Variants in STXBP5L observed in about 807,000 individuals in gnomAD.
STXBP5L encodes the protein syntaxin-binding protein 5-like.
In STXBP5L, 65 loss-of-function variants were observed where a neutral mutation model predicts 144.5. That is an observed-to-expected ratio of 0.45 (90% CI 0.37 to 0.55). The LOEUF is 0.55. Among genes scored for constraint, STXBP5L ranks in the 20% least tolerant of loss-of-function variants. The pLI, the probability that STXBP5L is intolerant of heterozygous loss-of-function variation, is 0.00. For missense variants in STXBP5L, 1,298 were observed against 1,405.5 expected, an observed-to-expected ratio of 0.92 and a Z score of 1.22; for synonymous variants, 505 against 469.6, an observed-to-expected ratio of 1.08 and a Z score of -0.97.
chr3:120,975,949 T>G (rs1940941700), intron 3 of STXBP5L, among the ~76,000 whole-genome samples: 1 of 152,222 alleles, frequency 6.6e-6, no homozygotes, highest in African/African-American at 2.4e-5. Flanking sequence ...TGTTTGCCAG[T>G]ATTTTATTGA....
chr3:121,041,817 T>G (rs765741234), intron 4 of STXBP5L, 36 bp downstream of exon 4: 1 of 1,341,596 alleles, frequency 7.5e-7, no homozygotes, highest in Non-Finnish European at 1.1e-6. Context: ...AATCACACAC[T>G]CCCCCACTAC....
intron 3 of STXBP5L, among the ~76,000 whole-genome samples, chr3:120,995,788 C>T (rs576793819): frequency 6.5e-4 from 99 of 152,142 alleles, no homozygotes; most frequent in Admixed American, 1.4e-3. Flanking sequence ...ATATGACTTA[C>T]GAAACTAATA....
At chr3:120,993,218 T>C (rs1177935272) in intron 3 of STXBP5L, among the ~76,000 whole-genome samples, 1 of 152,158 alleles carries the variant, frequency 6.6e-6, no homozygotes, top group African/African-American at 2.4e-5. Flanking sequence ...TAGTCCTTTG[T>C]TAGATGGATA....
chr3:120,977,263 C>G (rs1038446868), intron 3 of STXBP5L, among the ~76,000 whole-genome samples: 2 of 152,278 alleles, frequency 1.3e-5, no homozygotes, highest in African/African-American at 2.4e-5. Flanking sequence ...GGATAGTTAG[C>G]TCTTCTTGTT....
rs2051514652 is a variant in STXBP5L at position 121,293,252 on chromosome 3, A to G, written c.2110+13296A>G. On this transcript the variant is annotated intron_variant, in intron 19 of 26. Coordinates refer to ENST00000471454, the MANE Select transcript of STXBP5L (RefSeq NM_001308330.2). ...TTACTGTATGATTCCATTTCTATAG[A>G]ATTCCAGGAAATGAAAAGCAATGCA... Among the ~76,000 whole-genome samples, 5 of 152,298 alleles carry G rather than the reference A, an allele frequency of 3.3e-5. No homozygotes were observed. The South Asian group carries it at 1.0e-3, about 32-fold the overall frequency.
chr3:121,171,907 G>A (rs530163909), intron 9 of STXBP5L, among the ~76,000 whole-genome samples: 15 of 152,132 alleles, frequency 9.9e-5, no homozygotes, highest in East Asian at 3.9e-4. Flanking sequence ...AATCCTAAGC[G>A]AAAAGAACAA....
intron 9 of STXBP5L, among the ~76,000 whole-genome samples, chr3:121,194,258 G>A (rs1235288845): frequency 1.3e-5 from 2 of 152,024 alleles, no homozygotes; most frequent in Non-Finnish European, 2.9e-5. Context: ...GTTTGTTATA[G>A]TCATTTCAAA....
intron 5 of STXBP5L, among the ~76,000 whole-genome samples, chr3:121,088,371 G>A (rs1205443951): frequency 1.9e-4 from 22 of 114,328 alleles, no homozygotes; most frequent in Middle Eastern, 3.8e-3. Context: ...TCAGAGAAAT[G>A]CAAATCAAAA....
At chr3:121,157,359 G>C in intron 8 of STXBP5L, 145 bp from the exon 9 acceptor site, 1 of 811,942 alleles carries the variant, frequency 1.2e-6, no homozygotes, top group Non-Finnish European at 1.7e-6. Flanking sequence ...AGAAATTATA[G>C]TCTGATATGG....
intron 5 of STXBP5L, among the ~76,000 whole-genome samples, chr3:121,065,542 C>T (rs1011317602): frequency 6.6e-6 from 1 of 152,018 alleles, no homozygotes; most frequent in African/African-American, 2.4e-5. Context: ...GGTTAGGAGA[C>T]TAGTCATAGC....
At chr3:121,041,286 A>G (rs1171976665) in intron 3 of STXBP5L, among the ~76,000 whole-genome samples, 2 of 152,096 alleles carry the variant, frequency 1.3e-5, no homozygotes, top group Admixed American at 6.6e-5. Context: ...AAGATTTTTT[A>G]TATGTCAAGA....
At chr3:121,304,925 T>G (rs1168170651) in intron 19 of STXBP5L, among the ~76,000 whole-genome samples, 1 of 151,762 alleles carries the variant, frequency 6.6e-6, no homozygotes, top group Non-Finnish European at 1.5e-5. Flanking sequence ...TCAAAAATAC[T>G]ATATAAAACC....
At chr3:121,017,217 A>G (rs1945204350) in intron 3 of STXBP5L, among the ~76,000 whole-genome samples, 1 of 152,212 alleles carries the variant, frequency 6.6e-6, no homozygotes, top group African/African-American at 2.4e-5. Flanking sequence ...CAGAGTAAGC[A>G]TTGCATTTGA....
At chr3:121,204,127 T>C (rs1225519975) in intron 9 of STXBP5L, among the ~76,000 whole-genome samples, 4 of 152,092 alleles carry the variant, frequency 2.6e-5, no homozygotes, top group African/African-American at 9.7e-5. Flanking sequence ...TAGTTCCAGC[T>C]ACTCGGGAGG....
At chr3:120,978,212 A>T (rs1181110575) in intron 3 of STXBP5L, among the ~76,000 whole-genome samples, 2 of 152,182 alleles carry the variant, frequency 1.3e-5, no homozygotes, top group Non-Finnish European at 1.5e-5. Context: ...CTTTTCACCT[A>T]GTCCCATATT....
chr3:121,351,300 G>T (rs2108612592), intron 20 of STXBP5L, among the ~76,000 whole-genome samples: 1 of 152,200 alleles, frequency 6.6e-6, no homozygotes, highest in South Asian at 2.1e-4. Context: ...AAATGTGGCT[G>T]CCTGATTGTT....
At chr3:121,211,901 C>A (rs150967692) in intron 10 of STXBP5L, among the ~76,000 whole-genome samples, 1 of 151,996 alleles carries the variant, frequency 6.6e-6, no homozygotes. Context: ...TTTTAAGGAT[C>A]GCCATTCTAA....
chr3:121,126,967 ACGTTCTTC>A (rs1255240423), intron 7 of STXBP5L, among the ~76,000 whole-genome samples: 106 of 152,300 alleles, frequency 7.0e-4, no homozygotes, highest in African/African-American at 2.5e-3. Flanking sequence ...CAACTGGGAA[ACGTTCTTC>A]ACTTTTATAA....
At chr3:121,030,129 A>C (rs1360546004) in intron 3 of STXBP5L, among the ~76,000 whole-genome samples, 1 of 152,222 alleles carries the variant, frequency 6.6e-6, no homozygotes, top group Non-Finnish European at 1.5e-5. Flanking sequence ...ATGATTCCTC[A>C]AGGATCTAGA....
Sources: allele counts gnomAD v4.1 joint callset (sites outside exome capture counted in the v4.1 genomes callset), GRCh38; gene constraint gnomAD v4.1.1; transcripts MANE v1.5; gene names NCBI Gene and HGNC (gene_info 2026-07-23, HGNC 2026-07-21).